Variants in ROBO2 observed in about 807,000 individuals in gnomAD.
The protein encoded by ROBO2 is roundabout guidance receptor 2, also known as roundabout homolog 2.
In ROBO2, 53 loss-of-function variants were observed where a neutral mutation model predicts 160.8. That is an observed-to-expected ratio of 0.33 (90% CI 0.26 to 0.41). ROBO2 has a LOEUF of 0.41. ROBO2 is among the 10% of genes least tolerant of loss of function. The pLI, the probability that ROBO2 is intolerant of heterozygous loss-of-function variation, is 1.00. For synonymous variants in ROBO2, 664 were observed against 611.7 expected, an observed-to-expected ratio of 1.09 and a Z score of -1.26; for missense variants, 1,577 against 1,722.4, an observed-to-expected ratio of 0.92 and a Z score of 1.49.
intron 2 of ROBO2, among the ~76,000 whole-genome samples, chr3:76,581,580 G>A (rs2085703564): frequency 1.3e-5 from 2 of 152,184 alleles, no homozygotes; most frequent in South Asian, 2.1e-4. Context: ...CAAAGCTGCA[G>A]TGAGCTATGA....
chr3:77,496,880 A>G (rs575213240), intron 5 of ROBO2, among the ~76,000 whole-genome samples: 2 of 152,182 alleles, frequency 1.3e-5, no homozygotes, highest in African/African-American at 2.4e-5. Context: ...AATATTTTTT[A>G]AGTAGTACTG....
At chr3:76,946,798 C>A (rs967484242) in intron 2 of ROBO2, among the ~76,000 whole-genome samples, 6 of 152,180 alleles carry the variant, frequency 3.9e-5, no homozygotes, top group African/African-American at 1.4e-4. Context: ...TCAATTTCCT[C>A]AATTTAGGGA....
intron 2 of ROBO2, among the ~76,000 whole-genome samples, chr3:76,717,219 C>G (rs1380068245): frequency 3.3e-5 from 5 of 151,520 alleles, no homozygotes; most frequent in African/African-American, 1.2e-4. Flanking sequence ...TATGGCTGGG[C>G]ACGGTGGCTC....
chr3:77,211,511 A>G (rs981468405), intron 2 of ROBO2, among the ~76,000 whole-genome samples: 3 of 152,112 alleles, frequency 2.0e-5, no homozygotes, highest in Admixed American at 2.0e-4. Flanking sequence ...GTAGATTGCA[A>G]AATTTTTCTC....
chr3:76,453,825 G>C (rs981076324), intron 2 of ROBO2, among the ~76,000 whole-genome samples: 1 of 152,064 alleles, frequency 6.6e-6, no homozygotes, highest in African/African-American at 2.4e-5. Flanking sequence ...TTACTATTTG[G>C]TACTTGGTAG....
chr3:76,793,575 A>G (rs1576649685), intron 2 of ROBO2, among the ~76,000 whole-genome samples: 1 of 151,896 alleles, frequency 6.6e-6, no homozygotes, highest in East Asian at 1.9e-4. Context: ...TAGGAGTAAA[A>G]TCATAATAGT....
chr3:77,129,569 G>A (rs1175477108), intron 2 of ROBO2, among the ~76,000 whole-genome samples: 1 of 152,198 alleles, frequency 6.6e-6, no homozygotes, highest in Non-Finnish European at 1.5e-5. Flanking sequence ...GTTGGCGAGA[G>A]GACAGGTGAA....
At chr3:76,937,161 T>G (rs903761260) in intron 2 of ROBO2, among the ~76,000 whole-genome samples, 4 of 152,174 alleles carry the variant, frequency 2.6e-5, no homozygotes, top group Non-Finnish European at 5.9e-5. Flanking sequence ...TGTAACGAAG[T>G]AAAACTTAGT....
intron 2 of ROBO2, among the ~76,000 whole-genome samples, chr3:76,562,084 T>A (rs115029787): frequency 3.1e-4 from 47 of 152,076 alleles, no homozygotes; most frequent in African/African-American, 1.1e-3. Context: ...ATCTGGGAAA[T>A]CTAGCCCCAG....
At chr3:77,375,159 C>T (rs1003371021) in intron 2 of ROBO2, among the ~76,000 whole-genome samples, 2 of 152,206 alleles carry the variant, frequency 1.3e-5, no homozygotes, top group Non-Finnish European at 2.9e-5. Context: ...TTCCAGTGAG[C>T]TATGATTGTG....
intron 4 of ROBO2, among the ~76,000 whole-genome samples, chr3:77,483,799 C>T (rs2084997088): frequency 6.8e-6 from 1 of 148,132 alleles, no homozygotes; most frequent in African/African-American, 2.5e-5. Context: ...AATAAAGTTA[C>T]ATTTAATTGT....
At chr3:76,279,345 C>A (rs1030413483) in intron 2 of ROBO2, among the ~76,000 whole-genome samples, 7 of 151,614 alleles carry the variant, frequency 4.6e-5, no homozygotes, top group African/African-American at 9.7e-5. Context: ...ATTTATTGCA[C>A]CATGTTCTGA....
chr3:76,986,193 T>A (rs1330576628), intron 2 of ROBO2, among the ~76,000 whole-genome samples: 1 of 152,208 alleles, frequency 6.6e-6, no homozygotes, highest in Non-Finnish European at 1.5e-5. Flanking sequence ...GCAAAATATC[T>A]ATTTAAATGT....
At chr3:76,029,320 G>C (rs565481589) in intron 2 of ROBO2, among the ~76,000 whole-genome samples, 1 of 151,742 alleles carries the variant, frequency 6.6e-6, no homozygotes, top group African/African-American at 2.4e-5. Flanking sequence ...TTATATTAAT[G>C]TCTCCTAAAT....
intron 2 of ROBO2, among the ~76,000 whole-genome samples, chr3:76,920,291 A>C (rs2148985815): frequency 6.6e-6 from 1 of 152,314 alleles, no homozygotes; most frequent in African/African-American, 2.4e-5. Flanking sequence ...CACCTTTATT[A>C]GCTTATTCAT....
chr3:77,481,057 C>A (rs778819492), intron 3 of ROBO2, 42 bp from the exon 4 acceptor site: 2 of 1,533,930 alleles, frequency 1.3e-6, no homozygotes, highest in South Asian at 1.1e-5. Flanking sequence ...TATTCTGTTC[C>A]TTTTTCTTCC....
chr3:76,322,205 A>ATATATATATATAT (rs1559761668), intron 2 of ROBO2, among the ~76,000 whole-genome samples: 11 of 97,584 alleles, frequency 1.1e-4, no homozygotes, highest in Admixed American at 1.0e-4. Flanking sequence ...TATATATATA[A>ATATATATATATAT]TATACACACA....
intron 2 of ROBO2, among the ~76,000 whole-genome samples, chr3:77,465,634 AGCTAAGATGT>A (rs1178106437): frequency 6.6e-6 from 1 of 152,146 alleles, no homozygotes; most frequent in Non-Finnish European, 1.5e-5. Flanking sequence ...TTCCAGTTTC[AGCTAAGATGT>A]GAAGGTTTGA....
chr3:77,617,799 A>T (rs777764144), intron 22 of ROBO2, 26 bp downstream of exon 23: 2 of 1,609,912 alleles, frequency 1.2e-6, no homozygotes, highest in East Asian at 2.2e-5. Context: ...AAGTCAAGAG[A>T]CCCATGCTTT....
Sources: gnomAD v4.1 joint callset for allele counts (sites outside exome capture counted in the v4.1 genomes callset) on GRCh38, gnomAD v4.1.1 for gene constraint, MANE v1.5 for transcripts, NCBI Gene and HGNC (gene_info 2026-07-23, HGNC 2026-07-21) for gene names.